Variants in MARCHF8 observed in about 807,000 individuals in gnomAD.
MARCHF8 encodes E3 ubiquitin-protein ligase MARCHF8.
MARCHF8 carries 40 observed loss-of-function variants against 51.6 expected under a neutral mutation model. The observed-to-expected ratio is 0.77, with a 90% CI of 0.60 to 1.01. The LOEUF (loss-of-function observed/expected upper bound fraction) is 1.01. MARCHF8 is among the 50% of genes least tolerant of loss of function. MARCHF8 has a pLI of 0.00. For missense variants in MARCHF8, 685 were observed against 708.6 expected (o/e 0.97, Z 0.38); for synonymous variants, 263 against 280.3 (o/e 0.94, Z 0.62).
At chr10:45,512,971 T>C (rs1414723337) in intron 2 of MARCHF8, among the ~76,000 whole-genome samples, 1 of 151,524 alleles carries the variant, frequency 6.6e-6, no homozygotes, top group Non-Finnish European at 1.5e-5. Flanking sequence ...CACTCAGGGT[T>C]AAATGGATTA....
At chr10:45,574,584 G>GC (rs1001332998) in intron 1 of MARCHF8, among the ~76,000 whole-genome samples, 2 of 152,144 alleles carry the variant, frequency 1.3e-5, no homozygotes, top group African/African-American at 4.8e-5. Flanking sequence ...TTCACAGACA[G>GC]CCCCCATCAC....
At chr10:45,498,025 C>A (rs991425781) in intron 2 of MARCHF8, among the ~76,000 whole-genome samples, 9 of 152,170 alleles carry the variant, frequency 5.9e-5, no homozygotes, top group African/African-American at 1.9e-4. Flanking sequence ...TACTAAAAAA[C>A]TACAGGTAAC....
At chr10:45,569,064 CAAAAAAAAAAAA>C (rs71023131) in intron 1 of MARCHF8, among the ~76,000 whole-genome samples, 1 of 64,430 alleles carries the variant, frequency 1.6e-5, no homozygotes, top group Non-Finnish European at 3.0e-5. Flanking sequence ...GACTCCATCT[CAAAAAAAAAAAA>C]AAAAAAAAAA....
chr10:45,461,631 C>T, intron 5 of MARCHF8: 2 of 378,086 alleles, frequency 5.3e-6, no homozygotes, highest in Admixed American at 4.5e-5. Context: ...CATTTGGCAA[C>T]AGAAAGGAAA....
chr10:45,458,655 T>C, intron 7 of MARCHF8, 112 bp from the exon 8 acceptor site: 1 of 1,175,802 alleles, frequency 8.5e-7, no homozygotes, highest in Non-Finnish European at 1.2e-6. Flanking sequence ...TTGTTGTTTT[T>C]TAAGAGATGG....
intron 3 of MARCHF8, among the ~76,000 whole-genome samples, chr10:45,481,215 G>T (rs939460095): frequency 1.2e-4 from 18 of 152,210 alleles, no homozygotes; most frequent in Non-Finnish European, 5.9e-5. Context: ...TGCCCCCATT[G>T]TATCTAGAAA....
chr10:45,497,769 C>T (rs1218830970), intron 2 of MARCHF8, among the ~76,000 whole-genome samples: 2 of 152,058 alleles, frequency 1.3e-5, no homozygotes, highest in Non-Finnish European at 2.9e-5. Context: ...ACCACACTTA[C>T]ACAATGCAAC....
chr10:45,548,412 G>A (rs985175130), intron 1 of MARCHF8, among the ~76,000 whole-genome samples: 1 of 152,128 alleles, frequency 6.6e-6, no homozygotes, highest in African/African-American at 2.4e-5. Context: ...CATGACTCGG[G>A]AAGACCTCAG....
chr10:45,577,836 T>C (rs2044507235), intron 1 of MARCHF8, among the ~76,000 whole-genome samples: 1 of 152,180 alleles, frequency 6.6e-6, no homozygotes, highest in Non-Finnish European at 1.5e-5. Flanking sequence ...GCCTGGAGAA[T>C]ACAGCAAGAT....
rs567706588 is a variant in MARCHF8, at chr10:45,575,241, T to C, written c.-79+18994A>G. On this transcript the variant is annotated intron_variant, in intron 1 of 6. Transcript: ENST00000319836. ...AAAAAGCAGCCAGCGTTCCAACTTC[T>C]ATCTCACAGAGCAGTTTTTCTCCTT... is the stretch of plus-strand genomic sequence containing the variant. 5.3e-5 allele frequency among the ~76,000 whole-genome samples: 8 copies of C among 152,276 alleles called. No individual in the cohort carries two copies. In the East Asian group the frequency reaches 1.5e-3, roughly 29 times the overall value.
At chr10:45,502,261 A>C (rs1327494098) in intron 2 of MARCHF8, among the ~76,000 whole-genome samples, 7 of 152,220 alleles carry the variant, frequency 4.6e-5, no homozygotes, top group Non-Finnish European at 1.0e-4. Context: ...AAACTACTCC[A>C]CTAGTAAAAA....
intron 1 of MARCHF8, among the ~76,000 whole-genome samples, chr10:45,555,563 T>A (rs2044243021): frequency 6.6e-6 from 1 of 151,842 alleles, no homozygotes; most frequent in African/African-American, 2.4e-5. Context: ...CACAGTGAGA[T>A]CCCATCTCTC....
At chr10:45,594,460 C>G (rs936380659) in exon 1 of MARCHF8, 1 of 152,294 alleles carries the variant, frequency 6.6e-6, no homozygotes, top group Admixed American at 6.5e-5. Context: ...ACCGTTTCTG[C>G]GATTCCTGGT....
At chr10:45,508,497 T>C (rs1307957288) in intron 2 of MARCHF8, among the ~76,000 whole-genome samples, 1 of 152,236 alleles carries the variant, frequency 6.6e-6, no homozygotes, top group African/African-American at 2.4e-5. Flanking sequence ...ATAGCTGTTA[T>C]CACTCTTATG....
chr10:45,545,325 A>C (rs1418777721), intron 1 of MARCHF8, among the ~76,000 whole-genome samples: 2 of 152,234 alleles, frequency 1.3e-5, no homozygotes, highest in African/African-American at 2.4e-5. Flanking sequence ...CTGAGACAGC[A>C]GGCAAAAATG....
chr10:45,556,929 T>TAA (rs537493002), intron 1 of MARCHF8, among the ~76,000 whole-genome samples: 1 of 152,036 alleles, frequency 6.6e-6, no homozygotes, highest in East Asian at 1.9e-4. Flanking sequence ...CTATGTTCCA[T>TAA]AAAAAAATGG....
chr10:45,539,401 T>TAA (rs2044019497), upstream of MARCHF8, among the ~76,000 whole-genome samples: 1 of 152,042 alleles, frequency 6.6e-6, no homozygotes, highest in Admixed American at 6.6e-5. Flanking sequence ...ACATCACAAT[T>TAA]AAACGAATTA....
rs750100340 is a variant in MARCHF8, at chr10:45,463,952, T to A, written c.287A>T (p.Gln96Leu). ...FSECCHHSSV[Q>L]SAVVSKAPHC... is the part of the protein sequence containing the mutation. ...AGGAGCTTTCGAGACAACAGCAGACTGCACGGAACTGTGGTGACAACACTC... is the reference window on the plus strand; with the variant it reads ...AGGAGCTTTCGAGACAACAGCAGACAGCACGGAACTGTGGTGACAACACTC... The change falls in exon 5 of 8, where the codon CAG becomes CTG. Residue 96 changes from glutamine (Q) to leucine (L), a missense_variant. Gln to Leu is a moderately radical substitution (Grantham distance 113). Transcript: ENST00000453424. 6.5e-6 allele frequency: 10 copies of A among 1,536,138 alleles called. No homozygotes were observed. Among genetic ancestry groups the A allele is most frequent in the Admixed American group, 2.0e-5 (1 of 51,004 alleles).
In MARCHF8 at chr10:45,456,717, G is replaced by A. The variant is rs1211904491; in HGVS notation, c.*1522C>T. The A allele has an allele frequency of 6.6e-6, 1 of 152,118 alleles. No homozygotes were observed. Among genetic ancestry groups the A allele is most frequent in the Non-Finnish European group, 1.5e-5 (1 of 68,044 alleles). 9.4% of individuals were successfully genotyped at this position (152,118 alleles called of 1,614,324 possible). On this transcript the variant is annotated 3_prime_UTR_variant, in exon 8 of 8. Coordinates refer to ENST00000453424, the MANE Select transcript of MARCHF8 (RefSeq NM_001282866.2). ...GCATCTGCGCTACATTGTGCTTCAG[G>A]CCCCCCCAGCAACTTTCCCGGAGGT... is the stretch of plus-strand genomic sequence containing the variant.
Sources: allele counts gnomAD v4.1 joint callset (sites outside exome capture counted in the v4.1 genomes callset), GRCh38; gene constraint gnomAD v4.1.1; transcripts MANE v1.5; gene names NCBI Gene and HGNC (gene_info 2026-07-23, HGNC 2026-07-21).